NGEF: variants seen among roughly 807,000 people sequenced by gnomAD.
NGEF encodes ephexin-1.
In NGEF, 31 loss-of-function variants were observed where a neutral mutation model predicts 80.9. The ratio of observed to expected loss-of-function variants is 0.38; its 90% CI spans 0.29 to 0.52. The LOEUF is 0.52. NGEF is among the 20% of genes least tolerant of loss of function. NGEF has a pLI of 0.84. For synonymous variants in NGEF, 371 were observed against 370.2 expected (o/e 1.00, Z -0.03); for missense variants, 709 against 926.2 (o/e 0.77, Z 3.04).
At chr2:232,934,006 G>C (rs1283416271) in intron 3 of NGEF, among the ~76,000 whole-genome samples, 1 of 152,156 alleles carries the variant, frequency 6.6e-6, no homozygotes, top group African/African-American at 2.4e-5. Flanking sequence ...CACTTTGGGA[G>C]GCCGAGGCAG....
chr2:232,949,482 C>CTTTT (rs71398759), intron 3 of NGEF, among the ~76,000 whole-genome samples: 2 of 147,132 alleles, frequency 1.4e-5, no homozygotes, highest in Non-Finnish European at 3.0e-5. Flanking sequence ...TGCACTCTTT[C>CTTTT]TTTTTTTTTT....
intron 9 of NGEF, among the ~76,000 whole-genome samples, chr2:232,886,691 G>T (rs192935365): frequency 6.6e-6 from 1 of 152,216 alleles, no homozygotes; most frequent in Non-Finnish European, 1.5e-5. Flanking sequence ...AAGCAGAAAA[G>T]AACTTTAAAA....
chr2:232,988,744 G>A lies in NGEF; in HGVS notation c.-74-13780C>T, dbSNP rs1018845624. 6.6e-5 allele frequency among the ~76,000 whole-genome samples: 10 copies of A among 152,248 alleles called. No homozygotes were observed. In the South Asian group the frequency reaches 8.3e-4, roughly 13 times the overall value. ...CAAGGGCAAGCAATTGGAAGCAACCGGGGTGTCTTTTGATCAGAAACTGGC... is the reference window on the plus strand; with the variant it reads ...CAAGGGCAAGCAATTGGAAGCAACCAGGGTGTCTTTTGATCAGAAACTGGC... On this transcript the variant is annotated intron_variant, in intron 1 of 14. Coordinates refer to ENST00000264051, the MANE Select transcript of NGEF (RefSeq NM_019850.3).
chr2:232,925,933 G>C (rs1260245420), intron 4 of NGEF, among the ~76,000 whole-genome samples: 2 of 152,174 alleles, frequency 1.3e-5, no homozygotes, highest in East Asian at 3.9e-4. Context: ...AAATTCCGGA[G>C]TCAGCGCGGC....
chr2:232,906,301 G>A (rs1692533517), intron 5 of NGEF, among the ~76,000 whole-genome samples: 1 of 135,954 alleles, frequency 7.4e-6, no homozygotes, highest in South Asian at 2.4e-4. Context: ...ACTGGGAAGT[G>A]AGGAGCCCCT....
At chr2:232,954,142 C>T (rs1308700621) in intron 3 of NGEF, among the ~76,000 whole-genome samples, 1 of 152,076 alleles carries the variant, frequency 6.6e-6, no homozygotes, top group African/African-American at 2.4e-5. Context: ...TGTCCAACTA[C>T]GGGGGTATCT....
chr2:232,953,107 G>C (rs189507752), intron 3 of NGEF, among the ~76,000 whole-genome samples: 7 of 151,314 alleles, frequency 4.6e-5, no homozygotes, highest in East Asian at 3.9e-4. Flanking sequence ...TTCGAGACCA[G>C]CCTGACCAAG....
At chr2:233,006,194 G>T (rs1041481832) in intron 1 of NGEF, among the ~76,000 whole-genome samples, 1 of 152,168 alleles carries the variant, frequency 6.6e-6, no homozygotes, top group African/African-American at 2.4e-5. Context: ...TAGTGATGGA[G>T]CTCTAGCTCT....
chr2:232,887,364 GTCTC>G (rs1691726453), intron 9 of NGEF, among the ~76,000 whole-genome samples: 2 of 152,178 alleles, frequency 1.3e-5, no homozygotes, highest in African/African-American at 2.4e-5. Context: ...AGGAGGAGCC[GTCTC>G]TCTCTGAGGG....
intron 3 of NGEF, among the ~76,000 whole-genome samples, chr2:232,959,921 A>G (rs1000211075): frequency 1.3e-5 from 2 of 152,210 alleles, no homozygotes; most frequent in African/African-American, 4.8e-5. Flanking sequence ...GATAGTCACA[A>G]TGTTTAACAA....
At chr2:232,927,896 C>T in intron 3 of NGEF, 2 of 1,303,386 alleles carry the variant, frequency 1.5e-6, no homozygotes, top group Non-Finnish European at 9.7e-7. Context: ...TCCTCACCTG[C>T]CGGGCAGGTG....
chr2:232,963,794 C>CAG (rs1187114035), intron 3 of NGEF, among the ~76,000 whole-genome samples: 1 of 151,750 alleles, frequency 6.6e-6, no homozygotes, highest in Admixed American at 6.6e-5. Flanking sequence ...GCCTGGGTGA[C>CAG]AGAGAGAGAC....
At chr2:232,974,063 C>A (rs571794566) in intron 2 of NGEF, among the ~76,000 whole-genome samples, 5 of 152,320 alleles carry the variant, frequency 3.3e-5, no homozygotes, top group Non-Finnish European at 7.3e-5. Context: ...GTCTGTAGCA[C>A]CAACACCCCA....
At chr2:232,909,265 C>T (rs1692642951) in intron 5 of NGEF, among the ~76,000 whole-genome samples, 1 of 152,150 alleles carries the variant, frequency 6.6e-6, no homozygotes, top group African/African-American at 2.4e-5. Context: ...GTACTCCTTT[C>T]TTTTCCATCC....
At chr2:232,881,324 T>C (rs1691499135) in intron 13 of NGEF, 74 bp from the exon 14 acceptor site, 2 of 1,176,190 alleles carry the variant, frequency 1.7e-6, no homozygotes, top group Non-Finnish European at 2.5e-6. Flanking sequence ...AGCCCGCAGC[T>C]GAGCCCTGCC....
At chr2:232,969,487 T>TCCTTCCTTCCTTCCTTCCTC (rs1559229015) in intron 3 of NGEF, among the ~76,000 whole-genome samples, 2 of 112,398 alleles carry the variant, frequency 1.8e-5, no homozygotes, top group African/African-American at 3.5e-5. Context: ...CTTCCTTCCT[T>TCCTTCCTTCCTTCCTTCCTC]CCTCCCTCCC....
At chr2:232,907,188 G>GAAAAAAAAAAAAA (rs10654316) in intron 5 of NGEF, among the ~76,000 whole-genome samples, 3 of 113,156 alleles carry the variant, frequency 2.7e-5, no homozygotes, top group Admixed American at 9.9e-5. Flanking sequence ...AGAAAAAAAA[G>GAAAAAAAAAAAAA]AAAAAAAAAA....
chr2:232,956,828 CAGTTAT>C (rs1352150111), intron 3 of NGEF, among the ~76,000 whole-genome samples: 1 of 134,734 alleles, frequency 7.4e-6, no homozygotes, highest in African/African-American at 2.8e-5. Flanking sequence ...TGAAAAGTTA[CAGTTAT>C]AAACAGTCAA....
intron 1 of NGEF, among the ~76,000 whole-genome samples, chr2:232,980,782 A>C (rs2106327650): frequency 6.6e-6 from 1 of 152,296 alleles, no homozygotes; most frequent in Middle Eastern, 3.4e-3. Flanking sequence ...TACAGGCATG[A>C]GTCAGACAGC....
Sources: gnomAD v4.1 joint callset for allele counts (sites outside exome capture counted in the v4.1 genomes callset) on GRCh38, gnomAD v4.1.1 for gene constraint, MANE v1.5 for transcripts, NCBI Gene and HGNC (gene_info 2026-07-23, HGNC 2026-07-21) for gene names.